ZNF541: variants seen among roughly 807,000 people sequenced by gnomAD.
The protein encoded by ZNF541 is zinc finger protein 541.
ZNF541 carries 23 observed loss-of-function variants against 123.5 expected under a neutral mutation model. That is an observed-to-expected ratio of 0.19 (90% CI 0.13 to 0.26). The LOEUF (loss-of-function observed/expected upper bound fraction) is 0.26, where lower values mean the gene tolerates loss of function less well. Ranked by LOEUF, ZNF541 falls within the 10% of genes least tolerant of loss-of-function variation. The probability of loss-of-function intolerance (pLI) is 1.00; values close to 1 mark genes in which losing one functional copy is unlikely to be tolerated. For missense variants in ZNF541, 1,612 were observed against 1,789.9 expected, an observed-to-expected ratio of 0.90 and a Z score of 1.79; for synonymous variants, 751 against 754.5, an observed-to-expected ratio of 1.00 and a Z score of 0.08.
intron 3 of ZNF541, among the ~76,000 whole-genome samples, chr19:47,555,092 G>C (rs916403049): frequency 6.6e-6 from 1 of 151,512 alleles, no homozygotes; most frequent in South Asian, 2.1e-4. Flanking sequence ...AGAATTGGCC[G>C]GGTGCGGTGG....
rs57243927 is a variant in ZNF541 at position 47,533,359 on chromosome 19, CAAAAAAAAAAAAAAAAA to C, written c.3095-404_3095-388del. ...TGGGCGACAGAGCGAGACTCCATCT[CAAAAAAAAAAAAAAAAA>C]AAAAAAAAAAAAAAAAAAAATCCCA... is the stretch of plus-strand genomic sequence containing the variant. On this transcript the variant is annotated intron_variant, in intron 9 of 16. Transcript: ENST00000391901. Among the ~76,000 whole-genome samples the C allele has an allele frequency of 8.5e-4, 16 of 18,754 alleles. No homozygotes were observed. The South Asian group carries it at 0.02, about 23-fold the overall frequency. The allele number at this position is 18,754 out of a possible 152,430, so 12.3% of individuals were successfully genotyped here. A position where few individuals can be genotyped will look rare whatever the true frequency, so the allele number is the denominator to read the frequency against.
At position 47,545,488 on chromosome 19, in the gene ZNF541, A is replaced by G. The variant is rs1970304290; in HGVS notation, c.1041T>C (p.Thr347=). 4 of 1,493,818 alleles carry G rather than the reference A, an allele frequency of 2.7e-6. No homozygotes were observed. In the East Asian group the frequency reaches 9.9e-5, roughly 37 times the overall value. The allele number at this position is 1,493,818 out of a possible 1,614,324, so 92.5% of individuals were successfully genotyped here. A position where few individuals can be genotyped will look rare whatever the true frequency, so the allele number is the denominator to read the frequency against. The change falls in exon 5 of 17, where the codon ACT becomes ACC. Residue 347 remains threonine, a synonymous_variant. Coordinates refer to ENST00000391901, the MANE Select transcript of ZNF541 (RefSeq NM_001277075.3). This position sits in a 1 kb window ranked among gnomAD's most constrained non-coding sequence, Gnocchi z 7.5. ...EPCLPQKEPA[T]DVFTAPNSRA... ...TGGAATTAGGGGCTGTGAACACGTC[A>G]GTGGCCGGCTCTTTCTGTGGGAGGC...
At chr19:47,525,679 C>T (rs572414134) in intron 14 of ZNF541, among the ~76,000 whole-genome samples, 15 of 152,094 alleles carry the variant, frequency 9.9e-5, no homozygotes, top group African/African-American at 3.4e-4. Context: ...TTTGGGAGGC[C>T]GAGGCGGGCA....
chr19:47,540,815 C>T (rs1460784963), intron 6 of ZNF541, 78 bp downstream of exon 6: 4 of 1,408,806 alleles, frequency 2.8e-6, no homozygotes, highest in Non-Finnish European at 3.9e-6. Flanking sequence ...CCTCCCCACT[C>T]ACTTGTCCAG....
At chr19:47,527,590 C>A (rs1969356197) in intron 14 of ZNF541, among the ~76,000 whole-genome samples, 1 of 151,794 alleles carries the variant, frequency 6.6e-6, no homozygotes, top group Non-Finnish European at 1.5e-5. Flanking sequence ...GAGACAAGGT[C>A]TCACTATATT....
chr19:47,523,106 G>A (rs965005312), intron 14 of ZNF541, among the ~76,000 whole-genome samples: 1 of 146,496 alleles, frequency 6.8e-6, no homozygotes, highest in African/African-American at 2.5e-5. Context: ...TTTTTTCACT[G>A]CAACCTCCAC....
chr19:47,570,368 A>G (rs1401682839), intron 2 of ZNF541, among the ~76,000 whole-genome samples: 1 of 151,864 alleles, frequency 6.6e-6, no homozygotes, highest in Non-Finnish European at 1.5e-5. Flanking sequence ...ACTGGAGGCC[A>G]GGAGTTTGAG....
chr19:47,540,761 A>T, intron 6 of ZNF541, 132 bp downstream of exon 6: 1 of 898,610 alleles, frequency 1.1e-6, no homozygotes, highest in East Asian at 2.8e-5. Context: ...GATAAACCCT[A>T]TAAAATGGAG....
intron 2 of ZNF541, among the ~76,000 whole-genome samples, chr19:47,562,580 C>T (rs954128368): frequency 1.3e-5 from 2 of 151,942 alleles, no homozygotes; most frequent in South Asian, 4.1e-4. Flanking sequence ...ACAAAAAAAA[C>T]CAAACAGATA....
At chr19:47,530,335 ATTTTTTTTTT>A (rs10586987) in intron 12 of ZNF541, among the ~76,000 whole-genome samples, 4 of 131,906 alleles carry the variant, frequency 3.0e-5, no homozygotes, top group South Asian at 2.4e-4. Flanking sequence ...CTCCCTGCTA[ATTTTTTTTTT>A]TTTTTTTTTT....
chr19:47,563,811 G>GA (rs1361587588), intron 2 of ZNF541, among the ~76,000 whole-genome samples: 1 of 152,044 alleles, frequency 6.6e-6, no homozygotes, highest in African/African-American at 2.4e-5. Flanking sequence ...TCACCACGCT[G>GA]GTCAGGCTGG....
intron 2 of ZNF541, among the ~76,000 whole-genome samples, chr19:47,556,877 C>T (rs1002377103): frequency 1.3e-5 from 2 of 151,360 alleles, no homozygotes; most frequent in African/African-American, 2.4e-5. Context: ...ACTGCCTGAG[C>T]ATCCCAAGTA....
At chr19:47,550,436 AAAG>A (rs1311758831) in intron 3 of ZNF541, among the ~76,000 whole-genome samples, 1 of 150,066 alleles carries the variant, frequency 6.7e-6, no homozygotes, top group Non-Finnish European at 1.5e-5. Context: ...AAAGAAAGGA[AAAG>A]AAAGAAAGAA....
At chr19:47,524,412 A>G (rs1969188305) in intron 14 of ZNF541, among the ~76,000 whole-genome samples, 1 of 152,182 alleles carries the variant, frequency 6.6e-6, no homozygotes, top group African/African-American at 2.4e-5. Flanking sequence ...ATATGTTCAA[A>G]GAGTTATGCC....
At chr19:47,542,121 A>C (rs899006290) in intron 5 of ZNF541, among the ~76,000 whole-genome samples, 3 of 152,178 alleles carry the variant, frequency 2.0e-5, no homozygotes, top group Non-Finnish European at 2.9e-5. Context: ...GAGTGAAGGA[A>C]GCCAGATACG....
intron 2 of ZNF541, among the ~76,000 whole-genome samples, chr19:47,561,289 T>A (rs1293597050): frequency 6.6e-6 from 1 of 151,986 alleles, no homozygotes; most frequent in Non-Finnish European, 1.5e-5. Flanking sequence ...TTTTTTTTAA[T>A]TAGCTGGGCA....
chr19:47,523,089 CT>C (rs886403433), intron 14 of ZNF541, among the ~76,000 whole-genome samples: 142 of 142,830 alleles, frequency 9.9e-4, no homozygotes, highest in East Asian at 1.0e-3. Flanking sequence ...GAGCGAGTAT[CT>C]TTTTTTTTTT....
intron 4 of ZNF541, 145 bp downstream of exon 4, chr19:47,549,100 C>T (rs1438063171): frequency 1.1e-5 from 12 of 1,109,724 alleles, no homozygotes; most frequent in Non-Finnish European, 1.4e-5. Flanking sequence ...GCTGTGGCTG[C>T]GGCTGAGCAG....
At chr19:47,546,513 A>G (rs1004720794) in intron 4 of ZNF541, among the ~76,000 whole-genome samples, 1 of 152,020 alleles carries the variant, frequency 6.6e-6, no homozygotes, top group African/African-American at 2.4e-5. Flanking sequence ...CTCTATCTCA[A>G]TAAACAAACA....
Sources: allele counts gnomAD v4.1 joint callset (sites outside exome capture counted in the v4.1 genomes callset), GRCh38; gene constraint gnomAD v4.1.1; non-coding constraint Gnocchi (gnomAD v3.1); transcripts MANE v1.5; gene names NCBI Gene and HGNC (gene_info 2026-07-23, HGNC 2026-07-21).